The following C4BPA variants were observed in gnomAD, a reference collection of about 807,000 sequenced individuals.
C4BPA encodes the protein C4b-binding protein alpha chain.
In C4BPA, 31 loss-of-function variants were observed where a neutral mutation model predicts 63.7. That is an observed-to-expected ratio of 0.49 (90% CI 0.37 to 0.66). The LOEUF is 0.66. Among genes scored for constraint, C4BPA ranks in the 30% least tolerant of loss-of-function variants. C4BPA has a pLI of 0.00. For missense variants in C4BPA, 572 were observed against 723.3 expected (o/e 0.79, Z 2.40); for synonymous variants, 259 against 254.7 (o/e 1.02, Z -0.16).
chr1:207,139,249 G>A (rs1685358195), intron 9 of C4BPA, among the ~76,000 whole-genome samples: 1 of 152,178 alleles, frequency 6.6e-6, no homozygotes, highest in Non-Finnish European at 1.5e-5. Context: ...GCTGCAATAG[G>A]AACTAAAATG....
chr1:207,132,197 G>A (rs149547087), intron 8 of C4BPA, among the ~76,000 whole-genome samples: 93 of 152,300 alleles, frequency 6.1e-4, no homozygotes, highest in Admixed American at 4.6e-3. Context: ...AGATGGCAGG[G>A]CTTCCTGATC....
At chr1:207,141,573 A>T (rs997199044) in intron 10 of C4BPA, among the ~76,000 whole-genome samples, 1 of 152,136 alleles carries the variant, frequency 6.6e-6, no homozygotes, top group Non-Finnish European at 1.5e-5. Flanking sequence ...ATCTTAGTGT[A>T]CCTGTGGCCT....
intron 3 of C4BPA, chr1:207,114,559 T>C (rs1343645002): frequency 4.3e-6 from 1 of 232,140 alleles, no homozygotes; most frequent in Non-Finnish European, 8.0e-6. Flanking sequence ...AGTGGTGGAA[T>C]CTTGGCTCCC....
intron 6 of C4BPA, among the ~76,000 whole-genome samples, chr1:207,125,094 T>C (rs1685008654): frequency 6.6e-6 from 1 of 152,220 alleles, no homozygotes; most frequent in Non-Finnish European, 1.5e-5. Flanking sequence ...TATTACTAAG[T>C]TTACACAGTA....
At chr1:207,137,991 C>G (rs1018136592) in intron 9 of C4BPA, among the ~76,000 whole-genome samples, 3 of 152,144 alleles carry the variant, frequency 2.0e-5, no homozygotes, top group East Asian at 3.8e-4. Flanking sequence ...AATGTCCAAC[C>G]CTCTCTTCCA....
rs1338020096 is a variant in C4BPA at position 207,115,548 on chromosome 1, T to C, written c.428+33T>C. 2.6e-6 allele frequency: 3 copies of C among 1,162,722 alleles called. No homozygotes were observed. In the East Asian group the frequency reaches 8.1e-5, roughly 31 times the overall value. 72.0% of individuals were successfully genotyped at this position (1,162,722 alleles called of 1,614,324 possible). ...TGAGGTAATCTATGAACAATTCTTTTATATTTATTTAAAAAATAGCTGAAG... is the reference window on the plus strand; with the variant it reads ...TGAGGTAATCTATGAACAATTCTTTCATATTTATTTAAAAAATAGCTGAAG... On this transcript the variant is annotated intron_variant, in intron 4 of 11. Transcript: ENST00000367070.
chr1:207,105,179 G>A (rs1242370677), intron 1 of C4BPA, among the ~76,000 whole-genome samples: 1 of 152,190 alleles, frequency 6.6e-6, no homozygotes, highest in Non-Finnish European at 1.5e-5. Flanking sequence ...TACAGAAGAG[G>A]CAGAAGCATC....
intron 8 of C4BPA, 64 bp from the exon 9 acceptor site, chr1:207,134,340 G>A (rs1298618274): frequency 1.7e-6 from 2 of 1,194,040 alleles, no homozygotes; most frequent in Admixed American, 2.0e-5. Context: ...AAATGAGGTT[G>A]TTAGCCATAG....
intron 1 of C4BPA, among the ~76,000 whole-genome samples, chr1:207,105,031 C>G (rs1684530276): frequency 6.6e-6 from 1 of 152,222 alleles, no homozygotes; most frequent in Admixed American, 6.5e-5. Context: ...ACCCTTCCTT[C>G]TTGAAATTCT....
At chr1:207,127,021 A>G in intron 7 of C4BPA, 126 bp downstream of exon 7, 7 of 661,342 alleles carry the variant, frequency 1.1e-5, no homozygotes, top group Non-Finnish European at 1.5e-5. Flanking sequence ...CTAGATCAAT[A>G]ATTTCCTTTA....
At chr1:207,139,805 G>A (rs900720560) in intron 9 of C4BPA, among the ~76,000 whole-genome samples, 2 of 152,112 alleles carry the variant, frequency 1.3e-5, no homozygotes, top group Non-Finnish European at 2.9e-5. Context: ...CCAAGATTTT[G>A]TAGCATCTTC....
At position 207,115,078 on chromosome 1, in the gene C4BPA, A is replaced by G. The variant is rs558103221; in HGVS notation, c.329-338A>G. Among the ~76,000 whole-genome samples the G allele has an allele frequency of 1.2e-4, 19 of 152,272 alleles. No homozygotes were observed. In the South Asian group the frequency reaches 3.9e-3, roughly 32 times the overall value. On this transcript the variant is annotated intron_variant, in intron 3 of 11. Coordinates refer to ENST00000367070, the MANE Select transcript of C4BPA (RefSeq NM_000715.4). ...TTCTCTTTTTTGTTCCTTTTGTGAC[A>G]TGCATTTTTTAGTGGCCTAGGTTCT... is the stretch of plus-strand genomic sequence containing the variant.
At position 207,123,942 on chromosome 1, in the gene C4BPA, C is replaced by T. The variant is rs777547401; in HGVS notation, c.449C>T (p.Thr150Ile). ...TTCAGATTTTTCTTAATTGGCTCAA[C>T]CACTAGTCGTTGTGAAGTCCAAGAT... Reference protein sequence around the residue: ...CSEGFFLIGSTTSRCEVQDRG... With the variant: ...CSEGFFLIGSITSRCEVQDRG... Residue 150 changes from threonine to isoleucine, a missense_variant, in exon 5 of 12, where the codon ACC (threonine) becomes ATC (isoleucine). By Grantham distance (89) the Thr-to-Ile change is moderately conservative. This residue lies in a region of C4BPA where 465 missense variants were observed against 629.4 expected (regional missense o/e 0.74). Coordinates refer to ENST00000367070, the MANE Select transcript of C4BPA (RefSeq NM_000715.4). 2 of 1,609,748 alleles carry T rather than the reference C, an allele frequency of 1.2e-6. No individual in the cohort carries two copies. Among genetic ancestry groups the T allele is most frequent in the Non-Finnish European group, 1.7e-6 (2 of 1,176,934 alleles).
chr1:207,115,764 C>T (rs1189324640), intron 4 of C4BPA, among the ~76,000 whole-genome samples: 1 of 152,030 alleles, frequency 6.6e-6, no homozygotes. Flanking sequence ...TTCTTATTTT[C>T]CCCCCTTTCC....
chr1:207,133,676 T>C (rs955579161), intron 8 of C4BPA, among the ~76,000 whole-genome samples: 2 of 152,130 alleles, frequency 1.3e-5, no homozygotes, highest in African/African-American at 4.8e-5. Context: ...GGTGGGAGAA[T>C]TGCTTGAGCC....
intron 10 of C4BPA, 62 bp from the exon 11 acceptor site, chr1:207,143,756 G>A: frequency 8.8e-7 from 1 of 1,133,070 alleles, no homozygotes; most frequent in Non-Finnish European, 1.3e-6. Context: ...TATTATCCGA[G>A]ACTGTTATCA....
chr1:207,124,852 T>C (rs545629633), intron 6 of C4BPA, among the ~76,000 whole-genome samples: 1 of 152,302 alleles, frequency 6.6e-6, no homozygotes, highest in Non-Finnish European at 1.5e-5. Flanking sequence ...CATATCACTT[T>C]CCATTACAGC....
chr1:207,109,211 C>T (rs572695798), intron 1 of C4BPA, among the ~76,000 whole-genome samples: 49 of 152,270 alleles, frequency 3.2e-4, no homozygotes, highest in Non-Finnish European at 5.9e-4. Flanking sequence ...GGCTTCTAGC[C>T]GGAAGTTCAG....
chr1:207,131,271 A>C (rs1006619714), intron 7 of C4BPA, among the ~76,000 whole-genome samples: 1 of 152,370 alleles, frequency 6.6e-6, no homozygotes, highest in African/African-American at 2.4e-5. Flanking sequence ...AATCTCTGAA[A>C]TGTAAAGAAG....
Sources: gnomAD v4.1 joint callset for allele counts (sites outside exome capture counted in the v4.1 genomes callset) on GRCh38, gnomAD v4.1.1 for gene constraint, gnomAD v4.1.1 regional missense constraint, MANE v1.5 for transcripts, NCBI Gene and HGNC (gene_info 2026-07-23, HGNC 2026-07-21) for gene names.